DNAJB13: variants seen among roughly 807,000 people sequenced by gnomAD.
DNAJB13 encodes the protein DnaJ heat shock protein family (Hsp40) member B13, also known as dnaJ homolog subfamily B member 13.
In DNAJB13, 22 loss-of-function variants were observed where a neutral mutation model predicts 35.6. The observed-to-expected ratio is 0.62, with a 90% CI of 0.44 to 0.88. The LOEUF is 0.88. Among genes scored for constraint, DNAJB13 ranks in the 40% least tolerant of loss-of-function variants. The probability of loss-of-function intolerance (pLI) is 0.00; values close to 1 mark genes in which losing one functional copy is unlikely to be tolerated. For missense variants in DNAJB13, 370 were observed against 384.3 expected, an observed-to-expected ratio of 0.96 and a Z score of 0.31; for synonymous variants, 136 against 144.2, an observed-to-expected ratio of 0.94 and a Z score of 0.41.
At chr11:73,954,446 T>C (rs906366630) in intron 1 of DNAJB13, among the ~76,000 whole-genome samples, 3 of 147,894 alleles carry the variant, frequency 2.0e-5, no homozygotes, top group Non-Finnish European at 4.5e-5. Context: ...CTGGATAACA[T>C]GGTGAAACCC....
intron 3 of DNAJB13, 120 bp downstream of exon 3, chr11:73,959,775 T>C (rs1220542583): frequency 3.8e-6 from 4 of 1,058,678 alleles, no homozygotes; most frequent in Non-Finnish European, 5.0e-6. Flanking sequence ...TTACTTATTT[T>C]TTTTGGAGAT....
chr11:73,956,674 G>A (rs1027261742), intron 1 of DNAJB13, among the ~76,000 whole-genome samples: 13 of 152,000 alleles, frequency 8.6e-5, no homozygotes, highest in East Asian at 5.8e-4. Context: ...GTGGTGGCTC[G>A]CGCCTGTAAT....
chr11:73,968,564 T>A, intron 6 of DNAJB13, 106 bp downstream of exon 6: 1 of 888,222 alleles, frequency 1.1e-6, no homozygotes, highest in Non-Finnish European at 1.8e-6. Flanking sequence ...CATCAGTCAC[T>A]AAGCCCTGTG....
chr11:73,952,550 A>G (rs117547201), intron 1 of DNAJB13, among the ~76,000 whole-genome samples: 414 of 152,290 alleles, frequency 2.7e-3, no homozygotes, highest in Middle Eastern at 0.01. Context: ...GCATAAGTGG[A>G]GAGTCTGCGG....
chr11:73,958,436 G>T lies in DNAJB13; in HGVS notation c.172+16G>T, dbSNP rs768850963. On this transcript the variant is annotated intron_variant, in intron 2 of 7. Transcript: ENST00000339764. ...CTGAGTGACCGTGAGTAGGTGTGGG[G>T]CTGAGCACCCCGCTTGATTAGGATC... The T allele has an allele frequency of 6.2e-7, 1 of 1,608,938 alleles. No homozygotes were observed. Among genetic ancestry groups the T allele is most frequent in the Non-Finnish European group, 8.5e-7 (1 of 1,175,484 alleles).
At chr11:73,954,356 C>T (rs537839879) in intron 1 of DNAJB13, among the ~76,000 whole-genome samples, 2 of 148,426 alleles carry the variant, frequency 1.3e-5, no homozygotes, top group East Asian at 2.0e-4. Flanking sequence ...GTAGGCCGGG[C>T]GCAGTGGCTC....
At chr11:73,964,652 G>A (rs1234174782) in intron 3 of DNAJB13, 1 of 553,222 alleles carries the variant, frequency 1.8e-6, no homozygotes, top group South Asian at 2.1e-5. Context: ...GATAATCACT[G>A]CATCTGCAGT....
chr11:73,955,732 C>T (rs537110636), intron 1 of DNAJB13, among the ~76,000 whole-genome samples: 237 of 152,156 alleles, frequency 1.6e-3, no homozygotes, highest in African/African-American at 5.6e-3. Context: ...ACCTGGGAGG[C>T]GGACAATGCA....
intron 5 of DNAJB13, among the ~76,000 whole-genome samples, chr11:73,966,486 A>G (rs985105868): frequency 1.3e-5 from 2 of 151,886 alleles, no homozygotes; most frequent in African/African-American, 4.8e-5. Flanking sequence ...TCCCCATTTT[A>G]CAGAGTGGGA....
rs1951244197 is a variant in DNAJB13, at chr11:73,970,256, A to G, written c.*142A>G. ...GATGGCGCAGGGCTTAAACTGACAT[A>G]ATAAAGATCTATTTCCTGTCCTCCA... On this transcript the variant is annotated 3_prime_UTR_variant, in exon 8 of 8. Coordinates refer to ENST00000339764, the MANE Select transcript of DNAJB13 (RefSeq NM_153614.4). 9.4e-7 allele frequency: 1 copy of G among 1,066,278 alleles called. No homozygotes were observed. Among genetic ancestry groups the G allele is most frequent in the Admixed American group, 3.1e-5 (1 of 31,758 alleles). The allele number at this position is 1,066,278 out of a possible 1,614,324, so 66.1% of individuals were successfully genotyped here.
chr11:73,969,016 C>T (rs1258859021), intron 6 of DNAJB13, among the ~76,000 whole-genome samples: 1 of 152,202 alleles, frequency 6.6e-6, no homozygotes, highest in Non-Finnish European at 1.5e-5. Context: ...CGCTTTTATT[C>T]TGTCTCCATC....
In DNAJB13 at chr11:73,965,032, A is replaced by C; in HGVS notation, c.489A>C (p.Arg163Ser). 1 of 1,583,070 alleles carries C rather than the reference A, an allele frequency of 6.3e-7. No homozygotes were observed. The highest frequency in any genetic ancestry group is 8.6e-7 in the Non-Finnish European group (1 of 1,165,976). The change falls in exon 4 of 8, where the codon AGA (arginine) becomes AGC (serine). Residue 163 changes from arginine (R) to serine (S), a missense_variant. Physicochemically the swap from Arg to Ser is moderately radical, Grantham distance 110. Coordinates refer to ENST00000339764, the MANE Select transcript of DNAJB13 (RefSeq NM_153614.4). ...GCACCAAAAAAATTAAGATCTCCAG[A>C]AGGGTGAGTACTCAGCTTGCTCCTC... Reference protein sequence around the residue: ...FGCTKKIKISRRVLNEDGYSS... With the variant: ...FGCTKKIKISSRVLNEDGYSS...
chr11:73,960,223 G>T (rs755335880), intron 3 of DNAJB13, among the ~76,000 whole-genome samples: 105 of 151,892 alleles, frequency 6.9e-4, no homozygotes, highest in Non-Finnish European at 1.1e-3. Flanking sequence ...TGTCACCCAG[G>T]CTGGAGTGCA....
rs528938509 is a variant in DNAJB13 at position 73,957,111 on chromosome 11, C to G, written c.69-1206C>G. Among the ~76,000 whole-genome samples the G allele has an allele frequency of 1.4e-4, 21 of 152,322 alleles. No individual in the cohort carries two copies. In the East Asian group the frequency reaches 3.5e-3, roughly 25 times the overall value. On this transcript the variant is annotated intron_variant, in intron 1 of 7. Transcript: ENST00000339764. ...CTTCCCGTGCAGCCCTCCAGACCCACTCCCCACCCTTCCTGCCCTGCTGCG... is the reference window on the plus strand; with the variant it reads ...CTTCCCGTGCAGCCCTCCAGACCCAGTCCCCACCCTTCCTGCCCTGCTGCG...
At chr11:73,953,679 C>T (rs539703980) in intron 1 of DNAJB13, among the ~76,000 whole-genome samples, 1 of 152,198 alleles carries the variant, frequency 6.6e-6, no homozygotes, top group East Asian at 1.9e-4. Flanking sequence ...CAGGCAGGCC[C>T]AGGCCTGGTT....
chr11:73,958,982 A>C (rs900455727), intron 2 of DNAJB13, among the ~76,000 whole-genome samples: 2 of 152,194 alleles, frequency 1.3e-5, no homozygotes, highest in Non-Finnish European at 2.9e-5. Flanking sequence ...TGTCCTGGAG[A>C]CTAATCCTGG....
In DNAJB13 at chr11:73,951,065, C is replaced by T; in HGVS notation, c.-5C>T. On this transcript the variant is annotated 5_prime_UTR_variant, in exon 1 of 8. Transcript: ENST00000339764. The stretch of plus-strand genomic sequence containing the variant: ...ATCCAGGGCCTGACTGCCAGCTAGC[C>T]AGCCATGGGCCAGGATTATTACTCT... 1 of 1,613,902 alleles carries T rather than the reference C, an allele frequency of 6.2e-7. No individual in the cohort carries two copies. Among genetic ancestry groups the T allele is most frequent in the Non-Finnish European group, 8.5e-7 (1 of 1,179,940 alleles).
At chr11:73,957,107 C>T (rs1950768337) in intron 1 of DNAJB13, among the ~76,000 whole-genome samples, 1 of 152,194 alleles carries the variant, frequency 6.6e-6, no homozygotes, top group South Asian at 2.1e-4. Context: ...GCCCTCCAGA[C>T]CCACTCCCCA....
intron 3 of DNAJB13, among the ~76,000 whole-genome samples, chr11:73,961,549 A>G (rs1350083017): frequency 6.6e-6 from 1 of 152,226 alleles, no homozygotes; most frequent in East Asian, 1.9e-4. Flanking sequence ...TGCTGCAGAA[A>G]AACCTAGTGT....
Sources: allele counts gnomAD v4.1 joint callset (sites outside exome capture counted in the v4.1 genomes callset), GRCh38; gene constraint gnomAD v4.1.1; transcripts MANE v1.5; gene names NCBI Gene and HGNC (gene_info 2026-07-23, HGNC 2026-07-21).